The following DYNC2H1 variants were observed in gnomAD, a reference collection of about 807,000 sequenced individuals.
DYNC2H1 encodes cytoplasmic dynein 2 heavy chain 1.
Under a neutral mutation model 570.0 loss-of-function variants are expected in DYNC2H1, and 410 were observed. The ratio of observed to expected loss-of-function variants is 0.72; its 90% CI spans 0.66 to 0.78. DYNC2H1 has a LOEUF of 0.78. DYNC2H1 is among the 30% of genes least tolerant of loss of function. DYNC2H1 has a pLI of 0.00. For missense variants in DYNC2H1, 4,865 were observed against 5,046.4 expected, an observed-to-expected ratio of 0.96 and a Z score of 1.09; for synonymous variants, 1,688 against 1,677.6, an observed-to-expected ratio of 1.01 and a Z score of -0.15.
chr11:103,295,286 G>A (rs74992468), intron 75 of DYNC2H1, among the ~76,000 whole-genome samples: 1 of 152,154 alleles, frequency 6.6e-6, no homozygotes, highest in East Asian at 1.9e-4. Flanking sequence ...GTAGAATTCT[G>A]TCTGGTAATG....
intron 17 of DYNC2H1, among the ~76,000 whole-genome samples, chr11:103,137,619 G>A (rs1164642184): frequency 6.6e-6 from 1 of 152,010 alleles, no homozygotes; most frequent in African/African-American, 2.4e-5. Flanking sequence ...ATGTTGTTTT[G>A]GTTACTGTAG....
At chr11:103,233,995 A>G (rs1864124375) in intron 60 of DYNC2H1, 39 bp from the exon 61 acceptor site, 2 of 1,537,284 alleles carry the variant, frequency 1.3e-6, no homozygotes, top group Non-Finnish European at 1.8e-6. Context: ...TCTCTCCCAA[A>G]TCCTTTTTGC....
rs555070173 is a variant in DYNC2H1, at chr11:103,259,828, A to G, written c.10606-60A>G. On this transcript the variant is annotated intron_variant, in intron 69 of 88. Coordinates refer to ENST00000375735, the MANE Select transcript of DYNC2H1 (RefSeq NM_001377.3). ...AGCTTTGAATCTGGAGGAACAATTT[A>G]TAGGCGTACTTTTTAAATGTTTATA... 7.0e-5 allele frequency: 82 copies of G among 1,168,792 alleles called. No homozygotes were observed. In the African/African-American group the frequency reaches 1.1e-3, roughly 16 times the overall value. The allele number at this position is 1,168,792 out of a possible 1,614,324, so 72.4% of individuals were successfully genotyped here.
At chr11:103,110,953 G>A (rs561304914) in intron 1 of DYNC2H1, among the ~76,000 whole-genome samples, 7 of 152,194 alleles carry the variant, frequency 4.6e-5, no homozygotes, top group Non-Finnish European at 7.4e-5. Context: ...AGCCTCCCAA[G>A]TAGCTGGGAT....
intron 30 of DYNC2H1, among the ~76,000 whole-genome samples, chr11:103,165,377 C>A (rs1057437554): frequency 6.6e-6 from 1 of 152,204 alleles, no homozygotes; most frequent in Non-Finnish European, 1.5e-5. Flanking sequence ...GATCCACCCA[C>A]CTCAGCCTTC....
chr11:103,189,610 T>C lies in DYNC2H1; in HGVS notation c.7293-62T>C. Reference sequence around the variant, plus strand: ...CAAAACCACTGTTGTAACTTAACATTGAAATATTAATTTGGAATACTGATT... The same window carrying C: ...CAAAACCACTGTTGTAACTTAACATCGAAATATTAATTTGGAATACTGATT... On this transcript the variant is annotated intron_variant, in intron 44 of 88. Transcript: ENST00000375735. The surrounding 1 kb of genome is among the most constrained non-coding windows in gnomAD (Gnocchi z 4.3). The C allele has an allele frequency of 2.0e-6, 3 of 1,530,312 alleles. No homozygotes were observed. The highest frequency in any genetic ancestry group is 2.1e-4 in the Middle Eastern group (1 of 4,654). 94.8% of individuals were successfully genotyped at this position (1,530,312 alleles called of 1,614,324 possible). A position where few individuals can be genotyped will look rare whatever the true frequency, so the allele number is the denominator to read the frequency against.
intron 83 of DYNC2H1, among the ~76,000 whole-genome samples, chr11:103,375,271 G>T (rs1374453327): frequency 2.0e-5 from 3 of 152,210 alleles, no homozygotes; most frequent in African/African-American, 7.2e-5. Context: ...GGATGTCCAA[G>T]AAGAAGTCTG....
chr11:103,118,480 C>G (rs1239491174), intron 6 of DYNC2H1, among the ~76,000 whole-genome samples: 1 of 151,760 alleles, frequency 6.6e-6, no homozygotes. Context: ...TTTTTCAATT[C>G]TTTTCTCATC....
chr11:103,338,799 C>T (rs1939289870), intron 82 of DYNC2H1, among the ~76,000 whole-genome samples: 1 of 152,214 alleles, frequency 6.6e-6, no homozygotes, highest in South Asian at 2.1e-4. Context: ...ATGTCTTCAT[C>T]ACTCCAGGAT....
intron 82 of DYNC2H1, among the ~76,000 whole-genome samples, chr11:103,332,000 C>T (rs1177649749): frequency 2.0e-5 from 3 of 151,224 alleles, no homozygotes; most frequent in Non-Finnish European, 4.4e-5. Flanking sequence ...GCGGAGCTTG[C>T]AGTGAGCCGA....
Position 103,204,771 on chromosome 11 carries a change from A to C in DYNC2H1, c.8312-51A>C, listed in dbSNP as rs1862858654. The C allele has an allele frequency of 2.0e-6, 3 of 1,475,354 alleles. No homozygotes were observed. In the Admixed American group the frequency reaches 6.6e-5, roughly 32 times the overall value. The allele number at this position is 1,475,354 out of a possible 1,614,324, so 91.4% of individuals were successfully genotyped here. Reference sequence around the variant, plus strand: ...GAGAAAATTTTGATCTCTTTAACCCAGACCACGTATAGATTGCCTGATTGT... The same window carrying C: ...GAGAAAATTTTGATCTCTTTAACCCCGACCACGTATAGATTGCCTGATTGT... On this transcript the variant is annotated intron_variant, in intron 51 of 88. Coordinates refer to ENST00000375735, the MANE Select transcript of DYNC2H1 (RefSeq NM_001377.3). This position sits in a 1 kb window ranked among gnomAD's most constrained non-coding sequence, Gnocchi z 4.1.
At position 103,209,934 on chromosome 11, in the gene DYNC2H1, G is replaced by T; in HGVS notation, c.8513G>T (p.Arg2838Leu). 6.7e-7 allele frequency: 1 copy of T among 1,489,756 alleles called. No homozygotes were observed. 92.3% of individuals were successfully genotyped at this position (1,489,756 alleles called of 1,614,324 possible). Residue 2838 changes from arginine to leucine, a missense_variant, in exon 53 of 89, where the codon CGA becomes CTA. Around this residue, in one of 5 missense-constraint regions of DYNC2H1, gnomAD observed 2,401 missense variants for 2,454.6 expected, o/e 0.98. Coordinates refer to ENST00000375735, the MANE Select transcript of DYNC2H1 (RefSeq NM_001377.3). The surrounding 1 kb of genome is among the most constrained non-coding windows in gnomAD (Gnocchi z 4.2). ...GGAGAAAAATACAATGATAAAAAAC[G>T]AAAAGAAGAAAAGAAAAAAAATTCA... Reference protein sequence around the residue: ...GGGEKYNDKKRKEEKKKNSVD... With the variant: ...GGGEKYNDKKLKEEKKKNSVD...
intron 17 of DYNC2H1, among the ~76,000 whole-genome samples, chr11:103,139,785 T>A (rs1170256579): frequency 6.6e-6 from 1 of 152,080 alleles, no homozygotes; most frequent in Non-Finnish European, 1.5e-5. Flanking sequence ...ACTTTCTGTC[T>A]CGTTGATCTG....
intron 84 of DYNC2H1, chr11:103,406,403 G>A (rs1421241732): frequency 1.3e-5 from 2 of 151,986 alleles, no homozygotes; most frequent in African/African-American, 4.8e-5. Flanking sequence ...GTAGGGTTAT[G>A]ATAGCTATAA....
chr11:103,137,304 G>A (rs1859619363), intron 17 of DYNC2H1, among the ~76,000 whole-genome samples: 1 of 147,092 alleles, frequency 6.8e-6, no homozygotes, highest in Non-Finnish European at 1.5e-5. Context: ...CGTTGCCCAT[G>A]CCTATGTCCT....
At chr11:103,236,890 T>A (rs539335186) in intron 63 of DYNC2H1, among the ~76,000 whole-genome samples, 1 of 152,146 alleles carries the variant, frequency 6.6e-6, no homozygotes, top group East Asian at 1.9e-4. Context: ...TTTTATGTTT[T>A]TATTTCATTT....
chr11:103,135,826 G>A lies in DYNC2H1; in HGVS notation c.2452G>A (p.Glu818Lys). The A allele has an allele frequency of 3.7e-6, 6 of 1,613,284 alleles. No homozygotes were observed. The highest frequency in any genetic ancestry group is 5.1e-6 in the Non-Finnish European group (6 of 1,179,590). The change falls in exon 17 of 89, where the codon GAG becomes AAG. Residue 818 changes from glutamate (E) to lysine (K), a missense_variant. Transcript: ENST00000375735. ...GIPNQFKGVG[E>K]AGDESIFSIM... The stretch of plus-strand genomic sequence containing the variant: ...TCCAAATCAGTTTAAGGGAGTGGGT[G>A]AGGCAGGAGATGAATCTATTTTTTC...
intron 84 of DYNC2H1, among the ~76,000 whole-genome samples, chr11:103,429,723 C>T (rs1419158620): frequency 6.6e-6 from 1 of 152,082 alleles, no homozygotes; most frequent in East Asian, 1.9e-4. Flanking sequence ...CAATTAATTG[C>T]GTAGAGTTGT....
rs776573734 is a variant in DYNC2H1 at position 103,147,795 on chromosome 11, A to G, written c.2726A>G (p.Asn909Ser). The change falls in exon 19 of 89, where the codon AAT becomes AGT. Residue 909 changes from asparagine to serine, a missense_variant. By Grantham distance (46) the Asn-to-Ser change is conservative. Around this residue, in one of 5 missense-constraint regions of DYNC2H1, gnomAD observed 1,936 missense variants for 1,962.1 expected, o/e 0.99. Coordinates refer to ENST00000375735, the MANE Select transcript of DYNC2H1 (RefSeq NM_001377.3). ...AGTGCTGTCAAGGTAGATTGTTTAA[A>G]TATTAATTGCAACCCTGTGAAGACT... ...LPSAVKVDCL[N>S]INCNPVKTVI... 1.9e-6 allele frequency: 3 copies of G among 1,609,070 alleles called. No homozygotes were observed. In the South Asian group the frequency reaches 3.3e-5, roughly 18 times the overall value.
Sources: allele counts gnomAD v4.1 joint callset (sites outside exome capture counted in the v4.1 genomes callset), GRCh38; gene constraint gnomAD v4.1.1; regional missense constraint gnomAD v4.1.1; non-coding constraint Gnocchi (gnomAD v3.1); transcripts MANE v1.5; gene names NCBI Gene and HGNC (gene_info 2026-07-23, HGNC 2026-07-21).